The following UBE2D3 variants were observed in gnomAD, a reference collection of about 807,000 sequenced individuals.
UBE2D3 encodes the protein ubiquitin-conjugating enzyme E2 D3.
A neutral mutation model predicts 22.8 loss-of-function variants in UBE2D3; 2 were observed. The ratio of observed to expected loss-of-function variants is 0.09; its 90% CI spans 0.04 to 0.28. The LOEUF (loss-of-function observed/expected upper bound fraction) is 0.28. UBE2D3 is among the 10% of genes least tolerant of loss of function. The probability of loss-of-function intolerance (pLI) is 1.00; values close to 1 mark genes in which losing one functional copy is unlikely to be tolerated. For synonymous variants in UBE2D3, 56 were observed against 60.4 expected, an observed-to-expected ratio of 0.93 and a Z score of 0.34; for missense variants, 27 against 182.5, an observed-to-expected ratio of 0.15 and a Z score of 4.91.
intron 1 of UBE2D3, chr4:102,827,173 C>T: frequency 1.0e-6 from 1 of 986,938 alleles, no homozygotes; most frequent in Non-Finnish European, 1.2e-6. Flanking sequence ...AGCGCGCTCC[C>T]GCGCGCGCCC....
At chr4:102,864,906 A>G in intron 1 of UBE2D3, among the ~76,000 whole-genome samples, 1 of 152,268 alleles carries the variant, frequency 6.6e-6, no homozygotes, top group East Asian at 1.9e-4. Context: ...GTGACATTAC[A>G]AACCACAAAA....
upstream of UBE2D3, among the ~76,000 whole-genome samples, chr4:102,830,779 T>C (rs746848285): frequency 2.1e-4 from 32 of 152,170 alleles, no homozygotes; most frequent in Non-Finnish European, 4.3e-4. Flanking sequence ...GGTGGGAGGA[T>C]TGCCTCAGCC....
At chr4:102,803,935 A>C (rs902052896) in intron 4 of UBE2D3, among the ~76,000 whole-genome samples, 1 of 151,772 alleles carries the variant, frequency 6.6e-6, no homozygotes. Context: ...CACCCAGCTA[A>C]TTTTTGTATT....
intron 4 of UBE2D3, among the ~76,000 whole-genome samples, chr4:102,804,247 C>T (rs964117363): frequency 2.0e-5 from 3 of 152,088 alleles, no homozygotes; most frequent in Admixed American, 6.6e-5. Flanking sequence ...CTGCAAGCGC[C>T]GCCTCCCCAG....
At chr4:102,866,198 T>C (rs1408947980) in intron 1 of UBE2D3, among the ~76,000 whole-genome samples, 2 of 152,234 alleles carry the variant, frequency 1.3e-5, no homozygotes, top group Admixed American at 6.5e-5. Flanking sequence ...GCTCATGTAA[T>C]GCATCAGAAT....
Position 102,794,955 on chromosome 4 carries a change from T to TA in UBE2D3, c.*2459_*2460insT, listed in dbSNP as rs1167272994. 1 of 152,086 alleles carries TA rather than the reference T, an allele frequency of 6.6e-6. No homozygotes were observed. The highest frequency in any genetic ancestry group is 1.5e-5 in the Non-Finnish European group (1 of 67,946). 9.4% of individuals were successfully genotyped at this position (152,086 alleles called of 1,614,324 possible). A position where few individuals can be genotyped will look rare whatever the true frequency, so the allele number is the denominator to read the frequency against. On this transcript the variant is annotated 3_prime_UTR_variant, in exon 8 of 8. Transcript: ENST00000453744. ...CTAATACTCAGTTGGGTCCTATACA[T>TA]GGCACTAGTAATGTCAAATTACTGG...
intron 2 of UBE2D3, chr4:102,811,709 C>T (rs223413): frequency 0.37 from 152,192 of 410,444 alleles, 28,696 homozygotes; most frequent in Admixed American, 0.48. Context: ...GCTGAACGTA[C>T]TCATATACAA....
intron 5 of UBE2D3, 42 bp from the exon 6 acceptor site, chr4:102,801,601 A>G (rs1325829960): frequency 6.8e-7 from 1 of 1,462,566 alleles, no homozygotes; most frequent in Non-Finnish European, 9.4e-7. Flanking sequence ...AATAAAAACA[A>G]ACATCTTTTA....
chr4:102,849,364 C>CAAAA (rs55874314), intron 1 of UBE2D3, among the ~76,000 whole-genome samples: 41 of 63,240 alleles, frequency 6.5e-4, no homozygotes, highest in African/African-American at 2.1e-3. Context: ...ACCCCTGTCT[C>CAAAA]AAAAAAAAAA....
rs1368857849 is a variant in UBE2D3 at position 102,795,987 on chromosome 4, TG to T, written c.*1427del. Reference sequence around the variant, plus strand: ...CAAACAAAAAACAATCCAATAGCATTGACTTTTATTCATTCATGTTAAGTCA... The same window carrying T: ...CAAACAAAAAACAATCCAATAGCATTACTTTTATTCATTCATGTTAAGTCA... On this transcript the variant is annotated 3_prime_UTR_variant, in exon 8 of 8. Coordinates refer to ENST00000453744, the MANE Select transcript of UBE2D3 (RefSeq NM_181891.3). 1 of 152,486 alleles carries T rather than the reference TG, an allele frequency of 6.6e-6. No individual in the cohort carries two copies. Among genetic ancestry groups the T allele is most frequent in the Non-Finnish European group, 1.5e-5 (1 of 67,934 alleles). The allele number at this position is 152,486 out of a possible 1,614,324, so 9.4% of individuals were successfully genotyped here.
At chr4:102,830,738 C>T (rs1364025754), upstream of UBE2D3, among the ~76,000 whole-genome samples, 6 of 152,130 alleles carry the variant, frequency 3.9e-5, no homozygotes, top group African/African-American at 4.8e-5. Flanking sequence ...TGGTGGTACA[C>T]GCCTATGGTC....
At chr4:102,824,193 T>C (rs1194403653) in intron 2 of UBE2D3, among the ~76,000 whole-genome samples, 1 of 152,252 alleles carries the variant, frequency 6.6e-6, no homozygotes, top group Non-Finnish European at 1.5e-5. Context: ...TATGCCAAGT[T>C]TTTATGTTGT....
chr4:102,829,437 C>T (rs540010957), upstream of UBE2D3, among the ~76,000 whole-genome samples: 15 of 152,326 alleles, frequency 9.8e-5, no homozygotes, highest in South Asian at 3.1e-3. Flanking sequence ...TTAGTTATTG[C>T]TTCCCATTTG....
At chr4:102,826,878 A>G in intron 1 of UBE2D3, 7 of 1,051,270 alleles carry the variant, frequency 6.7e-6, no homozygotes, top group Non-Finnish European at 8.0e-6. Context: ...GGAGAGGAAG[A>G]GGCGTAGGAG....
At chr4:102,809,057 TAC>T in intron 4 of UBE2D3, 1 of 180,082 alleles carries the variant, frequency 5.6e-6, no homozygotes, top group South Asian at 7.9e-5. Context: ...TTGTGTAAGA[TAC>T]AGTCTTACCC....
intron 4 of UBE2D3, among the ~76,000 whole-genome samples, chr4:102,804,303 C>T (rs1411510306): frequency 6.6e-6 from 1 of 152,140 alleles, no homozygotes; most frequent in Non-Finnish European, 1.5e-5. Context: ...GCTTGGATTA[C>T]AGGTGTGCAC....
intron 2 of UBE2D3, among the ~76,000 whole-genome samples, chr4:102,818,816 T>C (rs1324659611): frequency 1.3e-5 from 2 of 152,178 alleles, no homozygotes; most frequent in Non-Finnish European, 2.9e-5. Context: ...GCAAATGGTT[T>C]ATCTTGAGGA....
chr4:102,837,575 C>T (rs1385581909), intron 1 of UBE2D3, among the ~76,000 whole-genome samples: 3 of 152,172 alleles, frequency 2.0e-5, no homozygotes, highest in Admixed American at 2.0e-4. Flanking sequence ...GTAATCCCAG[C>T]ATTTTGGGAG....
At chr4:102,797,658 G>C (rs1325121174) in intron 7 of UBE2D3, among the ~76,000 whole-genome samples, 198 bp from the exon 8 acceptor site, 1 of 151,926 alleles carries the variant, frequency 6.6e-6, no homozygotes, top group Non-Finnish European at 1.5e-5. Flanking sequence ...CTGATGCTCT[G>C]AAAGTAGTAT....
Sources: gnomAD v4.1 joint callset for allele counts (sites outside exome capture counted in the v4.1 genomes callset) on GRCh38, gnomAD v4.1.1 for gene constraint, MANE v1.5 for transcripts, NCBI Gene and HGNC (gene_info 2026-07-23, HGNC 2026-07-21) for gene names.